Variants in KCNMA1 observed in about 807,000 individuals in gnomAD.
KCNMA1 encodes Calcium-activated potassium channel subunit alpha-1.
A neutral mutation model predicts 140.0 loss-of-function variants in KCNMA1; 29 were observed. That is an observed-to-expected ratio of 0.21 (90% CI 0.15 to 0.28). KCNMA1 has a LOEUF of 0.28. Ranked by LOEUF, KCNMA1 falls within the 10% of genes least tolerant of loss-of-function variation. The pLI, the probability that KCNMA1 is intolerant of heterozygous loss-of-function variation, is 1.00. For synonymous variants in KCNMA1, 612 were observed against 611.9 expected (o/e 1.00, Z 0.00); for missense variants, 880 against 1,602.2 (o/e 0.55, Z 7.70).
intron 25 of KCNMA1, among the ~76,000 whole-genome samples, chr10:76,897,420 G>A (rs2043058462): frequency 6.6e-6 from 1 of 151,834 alleles, no homozygotes; most frequent in Non-Finnish European, 1.5e-5. Flanking sequence ...ATAAAATAAG[G>A]CTAGGCTGAA....
intron 15 of KCNMA1, among the ~76,000 whole-genome samples, chr10:77,029,628 C>T (rs774516052): frequency 9.9e-5 from 15 of 152,110 alleles, no homozygotes; most frequent in African/African-American, 1.7e-4. Context: ...AATAAAACAA[C>T]CTAAGAATAT....
At chr10:77,072,617 C>G (rs2096255401) in intron 14 of KCNMA1, among the ~76,000 whole-genome samples, 1 of 152,128 alleles carries the variant, frequency 6.6e-6, no homozygotes, top group South Asian at 2.1e-4. Flanking sequence ...CATGTCAGTC[C>G]TGCTGGCCTC....
intron 2 of KCNMA1, among the ~76,000 whole-genome samples, chr10:77,259,987 T>G (rs960734231): frequency 1.3e-5 from 2 of 152,160 alleles, no homozygotes; most frequent in African/African-American, 2.4e-5. Context: ...GTTTGAAGAC[T>G]GAGTGTAGTG....
intron 1 of KCNMA1, 22 bp downstream of exon 1, chr10:77,637,242 CG>C: frequency 6.3e-7 from 1 of 1,580,688 alleles, no homozygotes; most frequent in African/African-American, 1.3e-5. Flanking sequence ...GCGCAGAGGG[CG>C]GGCGCCCGGG....
chr10:77,479,841 T>C (rs995727713), intron 1 of KCNMA1, among the ~76,000 whole-genome samples: 1 of 152,204 alleles, frequency 6.6e-6, no homozygotes, highest in African/African-American at 2.4e-5. Context: ...ACAAGTTGTT[T>C]AACCTTTCAC....
At chr10:77,063,218 G>C (rs909881385) in intron 14 of KCNMA1, among the ~76,000 whole-genome samples, 1 of 152,138 alleles carries the variant, frequency 6.6e-6, no homozygotes, top group African/African-American at 2.4e-5. Flanking sequence ...TTTGAGACCA[G>C]CCTGGGCAAC....
At chr10:77,623,207 A>C (rs1404921844) in intron 1 of KCNMA1, among the ~76,000 whole-genome samples, 1 of 152,240 alleles carries the variant, frequency 6.6e-6, no homozygotes, top group African/African-American at 2.4e-5. Flanking sequence ...AGAGATTTGC[A>C]TGATAACATT....
intron 1 of KCNMA1, chr10:77,635,562 G>A (rs1038958091): frequency 1.3e-5 from 2 of 152,216 alleles, no homozygotes; most frequent in African/African-American, 4.8e-5. Flanking sequence ...GATGGAGAGA[G>A]GGAATGTGGG....
At chr10:77,117,893 C>T (rs551470702) in intron 6 of KCNMA1, among the ~76,000 whole-genome samples, 1 of 152,142 alleles carries the variant, frequency 6.6e-6, no homozygotes, top group Admixed American at 6.5e-5. Context: ...TGGGAAAGGG[C>T]CCTGATGCTG....
At chr10:77,250,961 A>G (rs2059549857) in intron 3 of KCNMA1, 1 of 538,700 alleles carries the variant, frequency 1.9e-6, no homozygotes, top group African/African-American at 1.9e-5. Flanking sequence ...ACCCAGCAAG[A>G]AGACTTGACC....
At chr10:77,548,560 A>T (rs987866008) in intron 1 of KCNMA1, among the ~76,000 whole-genome samples, 10 of 152,204 alleles carry the variant, frequency 6.6e-5, no homozygotes, top group Non-Finnish European at 1.3e-4. Flanking sequence ...CATGAAGCTG[A>T]CCTGGTGGCA....
rs563906706 is a variant in KCNMA1, at chr10:76,990,463, C to T, written c.2266+10944G>A. 7.9e-5 allele frequency among the ~76,000 whole-genome samples: 12 copies of T among 152,296 alleles called. No individual in the cohort carries two copies. The East Asian group carries it at 2.1e-3, about 27-fold the overall frequency. The stretch of plus-strand genomic sequence containing the variant: ...AGAGAGGAGGAAATACAGGAGATGT[C>T]TGCCTGTTTCCCATCTTCATCTTAA... On this transcript the variant is annotated intron_variant, in intron 19 of 27. Coordinates refer to ENST00000286628, the MANE Select transcript of KCNMA1 (RefSeq NM_001161352.2).
intron 25 of KCNMA1, chr10:76,903,356 T>C (rs1312673192): frequency 2.0e-5 from 3 of 152,284 alleles, no homozygotes; most frequent in Non-Finnish European, 4.4e-5. Flanking sequence ...ATAATTGCTC[T>C]AAAATTGTCA....
intron 19 of KCNMA1, among the ~76,000 whole-genome samples, chr10:76,996,391 A>T (rs1163953678): frequency 6.6e-6 from 1 of 152,158 alleles, no homozygotes; most frequent in African/African-American, 2.4e-5. Flanking sequence ...TACCAATAAG[A>T]GTGTCTTAAG....
intron 14 of KCNMA1, among the ~76,000 whole-genome samples, chr10:77,053,718 C>T (rs1468444057): frequency 6.6e-6 from 1 of 152,136 alleles, no homozygotes; most frequent in East Asian, 1.9e-4. Context: ...ATCAGTGATC[C>T]AGTTCTGACC....
At chr10:77,332,059 C>G (rs531162756) in intron 2 of KCNMA1, among the ~76,000 whole-genome samples, 2 of 152,160 alleles carry the variant, frequency 1.3e-5, no homozygotes, top group East Asian at 3.9e-4. Context: ...CAATGAGGAA[C>G]AAGACACAAC....
At chr10:77,145,259 CCTCAAGTCT>C (rs2098268115) in intron 5 of KCNMA1, among the ~76,000 whole-genome samples, 1 of 152,188 alleles carries the variant, frequency 6.6e-6, no homozygotes, top group South Asian at 2.1e-4. Context: ...TCCAACCCTG[CCTCAAGTCT>C]CTGACTTTTA....
intron 6 of KCNMA1, among the ~76,000 whole-genome samples, chr10:77,115,979 A>G (rs940703088): frequency 1.3e-5 from 2 of 152,156 alleles, no homozygotes; most frequent in African/African-American, 4.8e-5. Flanking sequence ...GGGAAGAAAG[A>G]GTGAGGCACG....
In KCNMA1 at chr10:77,637,753, G is replaced by A; in HGVS notation, c.-111C>T. ...TGCTGCTACTGCTGCCGCCGCCGCC[G>A]CCGCCGCGGAGCGCGGGAGGGGGGC... On this transcript the variant is annotated 5_prime_UTR_variant, in exon 1 of 28. Coordinates refer to ENST00000286628, the MANE Select transcript of KCNMA1 (RefSeq NM_001161352.2). 3 of 1,309,916 alleles carry A rather than the reference G, an allele frequency of 2.3e-6. No homozygotes were observed. Among genetic ancestry groups the A allele is most frequent in the African/African-American group, 1.5e-5 (1 of 64,534 alleles). 81.1% of individuals were successfully genotyped at this position (1,309,916 alleles called of 1,614,324 possible).
Sources: allele counts gnomAD v4.1 joint callset (sites outside exome capture counted in the v4.1 genomes callset), GRCh38; gene constraint gnomAD v4.1.1; transcripts MANE v1.5; gene names NCBI Gene and HGNC (gene_info 2026-07-23, HGNC 2026-07-21).